Variants in AMD1 observed in about 807,000 individuals in gnomAD.
AMD1 encodes S-adenosylmethionine decarboxylase proenzyme.
AMD1 carries 11 observed loss-of-function variants against 40.2 expected under a neutral mutation model. That is an observed-to-expected ratio of 0.27 (90% CI 0.17 to 0.45). AMD1 has a LOEUF of 0.45. AMD1 is among the 20% of genes least tolerant of loss of function. The pLI is 1.00. For missense variants in AMD1, 257 were observed against 410.2 expected (o/e 0.63, Z 3.23); for synonymous variants, 121 against 130.8 (o/e 0.93, Z 0.51).
intron 4 of AMD1, 114 bp from the exon 5 acceptor site, chr6:110,892,047 G>A (rs1241879786): frequency 8.1e-7 from 1 of 1,239,816 alleles, no homozygotes; most frequent in Admixed American, 1.7e-5. Flanking sequence ...ACTGATGGAT[G>A]ACATTTCTAA....
At chr6:110,838,244 C>T in the AMD1 span, among the ~76,000 whole-genome samples, 2 of 150,338 alleles carry the variant, frequency 1.3e-5, no homozygotes, top group South Asian at 2.1e-4. Flanking sequence ...CAAAAATTAG[C>T]CGGGTGTGGT....
chr6:110,837,749 T>A, the AMD1 span, among the ~76,000 whole-genome samples: 1 of 88,390 alleles, frequency 1.1e-5, no homozygotes, highest in African/African-American at 4.7e-5. Flanking sequence ...AAAAAAAATA[T>A]ATATATATAT....
rs187217507 is a variant in AMD1 at position 110,882,732 on chromosome 6, A to G, written c.111-4773A>G. On this transcript the variant is annotated intron_variant, in intron 1 of 8. Transcript: ENST00000368885. The stretch of plus-strand genomic sequence containing the variant: ...CTTAAAGTAATTGCTTTCTTTTGAT[A>G]CTATGATTGAAAAATTCTGATTACC... 1.2e-4 allele frequency among the ~76,000 whole-genome samples: 18 copies of G among 152,296 alleles called. No individual in the cohort carries two copies. In the East Asian group the frequency reaches 3.5e-3, roughly 29 times the overall value.
chr6:110,887,358 A>T, intron 1 of AMD1, 147 bp from the exon 2 acceptor site: 1 of 536,056 alleles, frequency 1.9e-6, no homozygotes, highest in Non-Finnish European at 3.3e-6. Context: ...GGGTGTGTCA[A>T]TATAGATTAT....
the AMD1 span, chr6:110,815,710 G>A: frequency 6.6e-6 from 1 of 152,652 alleles, no homozygotes; most frequent in African/African-American, 2.4e-5. Context: ...TGCGGTTCTC[G>A]GGGAGACACT....
At chr6:110,843,088 G>A in the AMD1 span, among the ~76,000 whole-genome samples, 1 of 151,754 alleles carries the variant, frequency 6.6e-6, no homozygotes, top group Non-Finnish European at 1.5e-5. Flanking sequence ...AGCCGAGATC[G>A]GGCCACTGCA....
chr6:110,870,428 G>C (rs891468613), upstream of AMD1, among the ~76,000 whole-genome samples: 4 of 152,134 alleles, frequency 2.6e-5, no homozygotes, highest in Non-Finnish European at 4.4e-5. Context: ...TTCAAGACCA[G>C]CCTGGGGAAC....
At chr6:110,874,587 C>T (rs574141832), upstream of AMD1, among the ~76,000 whole-genome samples, 79 of 151,662 alleles carry the variant, frequency 5.2e-4, no homozygotes, top group Non-Finnish European at 7.5e-4. Context: ...CACTCAGGAG[C>T]CGGCCAGAGC....
At chr6:110,842,885 A>G in the AMD1 span, among the ~76,000 whole-genome samples, 22 of 152,126 alleles carry the variant, frequency 1.4e-4, no homozygotes, top group Non-Finnish European at 5.9e-5. Context: ...CTGTAATCCC[A>G]GCAATTTGGG....
upstream of AMD1, among the ~76,000 whole-genome samples, chr6:110,871,211 T>C (rs1784914030): frequency 6.6e-6 from 1 of 152,216 alleles, no homozygotes; most frequent in African/African-American, 2.4e-5. Flanking sequence ...TGGAGAATTT[T>C]AATAAGTGTC....
chr6:110,874,583 G>A (rs543609161), upstream of AMD1, among the ~76,000 whole-genome samples: 4 of 151,600 alleles, frequency 2.6e-5, no homozygotes, highest in African/African-American at 9.8e-5. Context: ...CTCCCACTCA[G>A]GAGCCGGCCA....
At chr6:110,821,177 G>C in the AMD1 span, among the ~76,000 whole-genome samples, 1 of 152,254 alleles carries the variant, frequency 6.6e-6, no homozygotes, top group Non-Finnish European at 1.5e-5. Flanking sequence ...ACAGAGGATT[G>C]AGAAATGGTG....
the AMD1 span, among the ~76,000 whole-genome samples, chr6:110,819,079 C>T: frequency 3.9e-4 from 59 of 152,072 alleles, no homozygotes; most frequent in East Asian, 7.2e-3. Context: ...CGATCTGGGC[C>T]GGGTGCAGTG....
chr6:110,872,105 C>A (rs1784928707), upstream of AMD1, among the ~76,000 whole-genome samples: 1 of 152,130 alleles, frequency 6.6e-6, no homozygotes, highest in African/African-American at 2.4e-5. Flanking sequence ...GCTTTGGCAA[C>A]CACTGGCTTT....
the AMD1 span, among the ~76,000 whole-genome samples, chr6:110,868,741 T>C: frequency 6.6e-6 from 1 of 152,118 alleles, no homozygotes; most frequent in African/African-American, 2.4e-5. Flanking sequence ...GTTACTTTTG[T>C]TTCACAGTTA....
chr6:110,815,274 G>C, the AMD1 span: 1 of 1,016,716 alleles, frequency 9.8e-7, no homozygotes, highest in Non-Finnish European at 1.3e-6. Context: ...GCCGCCCGCC[G>C]CTCCGCGGTC....
chr6:110,846,731 G>A, the AMD1 span, among the ~76,000 whole-genome samples: 1 of 152,078 alleles, frequency 6.6e-6, no homozygotes, highest in African/African-American at 2.4e-5. Context: ...CTAGGTGGGT[G>A]TGGTGGCGTG....
the AMD1 span, chr6:110,814,941 C>A: frequency 6.3e-7 from 1 of 1,591,012 alleles, no homozygotes; most frequent in South Asian, 1.1e-5. Flanking sequence ...ATCCGACCCA[C>A]CCATCCCGCC....
chr6:110,832,449 C>A, the AMD1 span, among the ~76,000 whole-genome samples: 62 of 152,234 alleles, frequency 4.1e-4, no homozygotes, highest in South Asian at 1.7e-3. Context: ...CCACACCTGG[C>A]CTACATGCAA....
Sources: allele counts gnomAD v4.1 joint callset (sites outside exome capture counted in the v4.1 genomes callset), GRCh38; gene constraint gnomAD v4.1.1; transcripts MANE v1.5; gene names NCBI Gene and HGNC (gene_info 2026-07-23, HGNC 2026-07-21).